Variants in CSMD1 observed in about 807,000 individuals in gnomAD.
The protein encoded by CSMD1 is CUB and Sushi multiple domains 1, also known as CUB and sushi domain-containing protein 1.
In CSMD1, 213 loss-of-function variants were observed where a neutral mutation model predicts 417.5. That is an observed-to-expected ratio of 0.51 (90% CI 0.46 to 0.57). The LOEUF is 0.57. CSMD1 is among the 20% of genes least tolerant of loss of function. The pLI is 0.00. For missense variants in CSMD1, 6,923 were observed against 4,529.7 expected (o/e 1.53, Z -15.17); for synonymous variants, 2,862 against 1,736.8 (o/e 1.65, Z -16.11).
At chr8:4,607,335 G>A (rs1372922599) in intron 2 of CSMD1, among the ~76,000 whole-genome samples, 1 of 152,160 alleles carries the variant, frequency 6.6e-6, no homozygotes, top group Non-Finnish European at 1.5e-5. Context: ...GGGTTAGGGA[G>A]TGCGGGGGAC....
chr8:4,110,727 T>C (rs1446236445), intron 3 of CSMD1, among the ~76,000 whole-genome samples: 1 of 152,114 alleles, frequency 6.6e-6, no homozygotes, highest in Non-Finnish European at 1.5e-5. Context: ...CCCTTTCTCA[T>C]GCTCTCAACC....
intron 1 of CSMD1, among the ~76,000 whole-genome samples, chr8:4,936,562 A>T (rs866323180): frequency 3.2e-4 from 49 of 152,356 alleles, no homozygotes; most frequent in African/African-American, 1.2e-3. Context: ...GAAATTCATA[A>T]GCATTTTAAG....
At chr8:2,987,137 A>T (rs151082005) in intron 54 of CSMD1, among the ~76,000 whole-genome samples, 21 of 152,202 alleles carry the variant, frequency 1.4e-4, no homozygotes, top group African/African-American at 4.8e-4. Context: ...TATTTTACTG[A>T]TAAAATAATA....
At chr8:3,409,931 T>C (rs1812578713) in intron 12 of CSMD1, among the ~76,000 whole-genome samples, 1 of 152,240 alleles carries the variant, frequency 6.6e-6, no homozygotes, top group African/African-American at 2.4e-5. Flanking sequence ...TTGCTACTAC[T>C]AAAATGCAAA....
At chr8:3,294,194 C>G (rs1300399371) in intron 25 of CSMD1, among the ~76,000 whole-genome samples, 4 of 151,892 alleles carry the variant, frequency 2.6e-5, no homozygotes, top group Non-Finnish European at 2.9e-5. Context: ...GAAGTTTTGT[C>G]TCAGAGTACC....
chr8:4,027,628 T>A (rs998265629), intron 4 of CSMD1, among the ~76,000 whole-genome samples: 4 of 152,194 alleles, frequency 2.6e-5, no homozygotes, highest in Non-Finnish European at 4.4e-5. Context: ...ACCTCTTTTC[T>A]TTATAAATTA....
intron 1 of CSMD1, among the ~76,000 whole-genome samples, chr8:4,922,640 T>C (rs1806572765): frequency 6.6e-6 from 1 of 152,126 alleles, no homozygotes; most frequent in Non-Finnish European, 1.5e-5. Context: ...ACACATCTTG[T>C]CCACAGTTCA....
At chr8:4,151,524 A>C (rs1000740774) in intron 3 of CSMD1, among the ~76,000 whole-genome samples, 2 of 152,256 alleles carry the variant, frequency 1.3e-5, no homozygotes, top group African/African-American at 4.8e-5. Flanking sequence ...TTGGTAGTGA[A>C]ACTTTATCAT....
intron 10 of CSMD1, among the ~76,000 whole-genome samples, chr8:3,546,796 G>C (rs917750445): frequency 6.6e-6 from 1 of 152,186 alleles, no homozygotes; most frequent in Non-Finnish European, 1.5e-5. Context: ...GGATTCTGCA[G>C]CTCCCTGAAG....
chr8:4,913,497 C>T (rs1445249499), intron 1 of CSMD1, among the ~76,000 whole-genome samples: 1 of 152,080 alleles, frequency 6.6e-6, no homozygotes, highest in Non-Finnish European at 1.5e-5. Context: ...ATGAAAACTA[C>T]CCCCATATGT....
At chr8:4,073,853 G>A (rs1585255501) in intron 3 of CSMD1, among the ~76,000 whole-genome samples, 1 of 152,026 alleles carries the variant, frequency 6.6e-6, no homozygotes, top group South Asian at 2.1e-4. Flanking sequence ...GTTTAAAACA[G>A]TTTAAATTCA....
At chr8:3,353,760 T>C (rs528859868) in intron 21 of CSMD1, among the ~76,000 whole-genome samples, 9 of 66,134 alleles carry the variant, frequency 1.4e-4, no homozygotes, top group Non-Finnish European at 3.8e-4. Flanking sequence ...TTAAGATGAA[T>C]GAACACAGTT....
At chr8:3,366,459 A>G (rs1204934929) in intron 20 of CSMD1, among the ~76,000 whole-genome samples, 1 of 152,230 alleles carries the variant, frequency 6.6e-6, no homozygotes, top group Non-Finnish European at 1.5e-5. Context: ...TTCTGCTGTA[A>G]CATAAACCTT....
intron 4 of CSMD1, among the ~76,000 whole-genome samples, chr8:4,006,734 T>G (rs1053334310): frequency 1.3e-5 from 2 of 152,012 alleles, no homozygotes; most frequent in African/African-American, 4.8e-5. Flanking sequence ...AAGTCCAGAC[T>G]GGAACCAGAA....
intron 3 of CSMD1, among the ~76,000 whole-genome samples, chr8:4,404,142 C>A (rs940111439): frequency 6.6e-6 from 1 of 152,160 alleles, no homozygotes; most frequent in African/African-American, 2.4e-5. Context: ...ATCTTTTTCT[C>A]AGCGTAGAGC....
At chr8:3,947,905 G>C (rs754976775) in intron 5 of CSMD1, among the ~76,000 whole-genome samples, 1 of 152,014 alleles carries the variant, frequency 6.6e-6, no homozygotes, top group Admixed American at 6.6e-5. Flanking sequence ...TAAAAGTCCT[G>C]TTAAAATCTC....
chr8:4,311,679 T>C lies in CSMD1; in HGVS notation c.415+108274A>G, dbSNP rs370420984. Among the ~76,000 whole-genome samples, 13 of 144,112 alleles carry C rather than the reference T, an allele frequency of 9.0e-5. 1 individual carries two copies. The East Asian group carries it at 2.2e-3, about 25-fold the overall frequency. The allele number at this position is 144,112 out of a possible 152,430, so 94.5% of individuals were successfully genotyped here. A position where few individuals can be genotyped will look rare whatever the true frequency, so the allele number is the denominator to read the frequency against. On this transcript the variant is annotated intron_variant, in intron 3 of 69. Transcript: ENST00000635120. ...CAGAGGCTGCAGTGAGCCGAGATTG[T>C]GCCACAGCACTCCAGCCTGGGCAAC...
At chr8:3,521,659 A>C (rs1194354580) in intron 10 of CSMD1, among the ~76,000 whole-genome samples, 4 of 152,214 alleles carry the variant, frequency 2.6e-5, no homozygotes, top group Non-Finnish European at 5.9e-5. Flanking sequence ...TAAACAGTAA[A>C]TGTTATAACT....
intron 28 of CSMD1, among the ~76,000 whole-genome samples, chr8:3,220,055 T>G (rs35181614): frequency 0.26 from 39,517 of 150,970 alleles, 5,313 homozygotes; most frequent in East Asian, 0.29. Flanking sequence ...TAAGGCTGGA[T>G]GATCACTTGA....
Sources: gnomAD v4.1 joint callset for allele counts (sites outside exome capture counted in the v4.1 genomes callset) on GRCh38, gnomAD v4.1.1 for gene constraint, MANE v1.5 for transcripts, NCBI Gene and HGNC (gene_info 2026-07-23, HGNC 2026-07-21) for gene names.